EHMT1: variants seen among roughly 807,000 people sequenced by gnomAD.
The protein encoded by EHMT1 is euchromatic histone lysine methyltransferase 1.
In EHMT1, 15 loss-of-function variants were observed where a neutral mutation model predicts 147.2. The observed-to-expected ratio is 0.10, with a 90% CI of 0.07 to 0.16. EHMT1 has a LOEUF of 0.16. Ranked by LOEUF, EHMT1 falls within the 10% of genes least tolerant of loss-of-function variation. The pLI, the probability that EHMT1 is intolerant of heterozygous loss-of-function variation, is 1.00. For synonymous variants in EHMT1, 795 were observed against 709.6 expected (o/e 1.12, Z -1.91); for missense variants, 1,587 against 1,772.4 (o/e 0.90, Z 1.88).
At position 137,813,752 on chromosome 9, in the gene EHMT1, G is replaced by A. The variant is rs1267129108; in HGVS notation, c.3180+222G>A. ...CTGGGCCCTCTCATTGCTCTTCCAAGGCTTCTTACCGACCCAAAGCAGTGG... is the reference window on the plus strand; with the variant it reads ...CTGGGCCCTCTCATTGCTCTTCCAAAGCTTCTTACCGACCCAAAGCAGTGG... On this transcript the variant is annotated intron_variant, in intron 21 of 26. Transcript: ENST00000460843. This position sits in a 1 kb window ranked among gnomAD's most constrained non-coding sequence, Gnocchi z 4.9. Among the ~76,000 whole-genome samples the A allele has an allele frequency of 1.3e-5, 2 of 152,192 alleles. No individual in the cohort carries two copies. Among genetic ancestry groups the A allele is most frequent in the African/African-American group, 4.8e-5 (2 of 41,440 alleles).
At chr9:137,639,392 C>T (rs1306963048) in intron 1 of EHMT1, among the ~76,000 whole-genome samples, 1 of 152,086 alleles carries the variant, frequency 6.6e-6, no homozygotes, top group South Asian at 2.1e-4. Context: ...CTTTCTAGTT[C>T]TATTAGTTAT....
chr9:137,768,347 GTTTTTTTTT>G (rs768762232), intron 10 of EHMT1, among the ~76,000 whole-genome samples: 3 of 92,512 alleles, frequency 3.2e-5, no homozygotes, highest in Middle Eastern at 7.6e-3. Flanking sequence ...TTTTCTGTGT[GTTTTTTTTT>G]TTTTTTTTTT....
intron 1 of EHMT1, among the ~76,000 whole-genome samples, chr9:137,694,769 GGCCTCGGGGT>G (rs1398647709): frequency 3.3e-5 from 5 of 152,232 alleles, no homozygotes; most frequent in Non-Finnish European, 7.3e-5. Context: ...TCAGGCGCGA[GGCCTCGGGGT>G]GCCCTTGACC....
chr9:137,627,343 A>G (rs1349415440), intron 1 of EHMT1, among the ~76,000 whole-genome samples: 1 of 147,806 alleles, frequency 6.8e-6, no homozygotes, highest in African/African-American at 2.5e-5. Flanking sequence ...GCTCACTGCA[A>G]CCTCCACCTC....
At chr9:137,723,547 C>T (rs1246457897) in intron 3 of EHMT1, among the ~76,000 whole-genome samples, 2 of 146,778 alleles carry the variant, frequency 1.4e-5, no homozygotes, top group Non-Finnish European at 3.0e-5. Context: ...TGGGCCTGAG[C>T]CCGGGGTGTG....
chr9:137,780,391 ATG>A (rs1412578489), intron 14 of EHMT1, among the ~76,000 whole-genome samples: 1 of 122,108 alleles, frequency 8.2e-6, no homozygotes, highest in East Asian at 2.5e-4. Context: ...TGACGCTGGG[ATG>A]TGTGGTGATG....
intron 1 of EHMT1, among the ~76,000 whole-genome samples, chr9:137,629,168 C>G (rs953789429): frequency 3.3e-5 from 5 of 151,328 alleles, no homozygotes; most frequent in African/African-American, 7.3e-5. Context: ...TCTTGGCTCA[C>G]TGGAACCTCC....
chr9:137,796,487 G>A (rs930690126), intron 16 of EHMT1, among the ~76,000 whole-genome samples: 2 of 152,042 alleles, frequency 1.3e-5, no homozygotes, highest in Non-Finnish European at 2.9e-5. Flanking sequence ...GGTGGATCAT[G>A]AGGTCAGGAG....
chr9:137,811,255 TGAAAC>T (rs1954459698), intron 18 of EHMT1, among the ~76,000 whole-genome samples: 1 of 152,106 alleles, frequency 6.6e-6, no homozygotes, highest in Non-Finnish European at 1.5e-5. Flanking sequence ...AAACAAAACA[TGAAAC>T]GAAGTGCCTT....
rs1344693068 is a variant in EHMT1, at chr9:137,800,640, G to A, written c.2608-240G>A. Reference sequence around the variant, plus strand: ...AGGCCGACAGCACAGGGCATGTCGGGCAGGGTTGTTGGGCCTGGGCCAGTC... The same window carrying A: ...AGGCCGACAGCACAGGGCATGTCGGACAGGGTTGTTGGGCCTGGGCCAGTC... On this transcript the variant is annotated intron_variant, in intron 17 of 26. Transcript: ENST00000460843. The A allele has an allele frequency of 1.2e-5, 7 of 568,524 alleles. No homozygotes were observed. In the East Asian group the frequency reaches 1.8e-4, roughly 15 times the overall value. 35.2% of individuals were successfully genotyped at this position (568,524 alleles called of 1,614,324 possible).
At chr9:137,702,062 G>C (rs1387530390) in intron 1 of EHMT1, among the ~76,000 whole-genome samples, 1 of 152,110 alleles carries the variant, frequency 6.6e-6, no homozygotes, top group Non-Finnish European at 1.5e-5. Context: ...CCAAAGTGCT[G>C]AGATTACAGA....
intron 1 of EHMT1, among the ~76,000 whole-genome samples, chr9:137,708,898 G>A (rs1039131560): frequency 6.6e-6 from 1 of 152,138 alleles, no homozygotes. Context: ...GGAAAGCTTC[G>A]GGTTCCACGC....
At chr9:137,629,123 G>A (rs1454457464) in intron 1 of EHMT1, among the ~76,000 whole-genome samples, 30 of 147,014 alleles carry the variant, frequency 2.0e-4, no homozygotes, top group East Asian at 1.2e-3. Context: ...ATGGAGTTTC[G>A]CTCTCGTTGC....
intron 1 of EHMT1, among the ~76,000 whole-genome samples, chr9:137,625,206 T>G (rs2133493041): frequency 6.6e-6 from 1 of 152,302 alleles, no homozygotes; most frequent in African/African-American, 2.4e-5. Context: ...CTTAACCGTT[T>G]GCAAGCACTA....
At chr9:137,701,639 T>G (rs1186305096) in intron 1 of EHMT1, among the ~76,000 whole-genome samples, 3 of 148,430 alleles carry the variant, frequency 2.0e-5, no homozygotes, top group African/African-American at 7.5e-5. Flanking sequence ...TTTTTTTTTT[T>G]TTTTTGAGAT....
At chr9:137,777,413 G>C (rs563865823) in intron 12 of EHMT1, 1 of 195,708 alleles carries the variant, frequency 5.1e-6, no homozygotes, top group African/African-American at 2.4e-5. Context: ...AATAACAAAA[G>C]AGACCCTTTC....
intron 6 of EHMT1, among the ~76,000 whole-genome samples, chr9:137,748,549 C>T (rs370324499): frequency 3.3e-5 from 5 of 152,182 alleles, no homozygotes; most frequent in Non-Finnish European, 5.9e-5. Context: ...CTCTGCCATG[C>T]GGCTCCCCAC....
chr9:137,833,337 C>A (rs1237722773), intron 25 of EHMT1, among the ~76,000 whole-genome samples: 1 of 152,258 alleles, frequency 6.6e-6, no homozygotes, highest in Non-Finnish European at 1.5e-5. Context: ...ACCACGCCAC[C>A]CACCCGCAGC....
At position 137,761,672 on chromosome 9, in the gene EHMT1, G is replaced by T. The variant is rs145310479; in HGVS notation, c.1502-1003G>T. ...CGGGGTTTCACCATGTTGTCCAGGA[G>T]GGTCTCGATCTCCTGACCTCGTGAT... is the stretch of plus-strand genomic sequence containing the variant. On this transcript the variant is annotated intron_variant, in intron 9 of 26. Transcript: ENST00000460843. 2.7e-3 allele frequency among the ~76,000 whole-genome samples: 414 copies of T among 152,034 alleles called. 2 individuals carry two copies. The East Asian group carries it at 0.03, about 11-fold the overall frequency.
Sources: gnomAD v4.1 joint callset for allele counts (sites outside exome capture counted in the v4.1 genomes callset) on GRCh38, gnomAD v4.1.1 for gene constraint, Gnocchi (gnomAD v3.1) non-coding constraint, MANE v1.5 for transcripts, NCBI Gene and HGNC (gene_info 2026-07-23, HGNC 2026-07-21) for gene names.